CTNNA2: variants seen among roughly 807,000 people sequenced by gnomAD.
CTNNA2 encodes the protein catenin alpha 2.
CTNNA2 carries 42 observed loss-of-function variants against 101.0 expected under a neutral mutation model. That is an observed-to-expected ratio of 0.42 (90% CI 0.32 to 0.54). The LOEUF (loss-of-function observed/expected upper bound fraction) is 0.54, where lower values mean the gene tolerates loss of function less well. CTNNA2 is among the 20% of genes least tolerant of loss of function. The probability of loss-of-function intolerance (pLI) is 0.14; values close to 1 mark genes in which losing one functional copy is unlikely to be tolerated. For missense variants in CTNNA2, 871 were observed against 1,223.1 expected (o/e 0.71, Z 4.29); for synonymous variants, 450 against 456.4 (o/e 0.99, Z 0.18).
intron 7 of CTNNA2, among the ~76,000 whole-genome samples, chr2:80,016,774 T>C (rs1343456821): frequency 6.6e-6 from 1 of 152,172 alleles, no homozygotes; most frequent in African/African-American, 2.4e-5. Context: ...GAGACATTTG[T>C]AGCTAAATTT....
At chr2:79,438,233 G>A (rs1678738371) in intron 4 of CTNNA2, among the ~76,000 whole-genome samples, 1 of 152,152 alleles carries the variant, frequency 6.6e-6, no homozygotes, top group East Asian at 1.9e-4. Flanking sequence ...AGATAAGTGT[G>A]GGGGAGTCCC....
At chr2:80,526,671 GATA>G (rs1406460964) in intron 9 of CTNNA2, among the ~76,000 whole-genome samples, 18 of 152,164 alleles carry the variant, frequency 1.2e-4, no homozygotes, top group Non-Finnish European at 2.5e-4. Flanking sequence ...AAATGGGAAT[GATA>G]ATGACAGTAC....
intron 5 of CTNNA2, among the ~76,000 whole-genome samples, chr2:79,507,621 C>CA (rs1671442203): frequency 6.6e-6 from 1 of 152,024 alleles, no homozygotes; most frequent in Non-Finnish European, 1.5e-5. Context: ...GTTATAGAAG[C>CA]AAAAAACAGA....
intron 7 of CTNNA2, among the ~76,000 whole-genome samples, chr2:80,172,121 C>T (rs554865170): frequency 9.9e-5 from 15 of 152,240 alleles, no homozygotes; most frequent in Admixed American, 2.0e-4. Flanking sequence ...TATGGCTACT[C>T]GGGGACCCCT....
At chr2:80,616,672 T>C (rs2149798503) in intron 17 of CTNNA2, 1 of 138,096 alleles carries the variant, frequency 7.2e-6, no homozygotes, top group East Asian at 2.2e-4. Context: ...ATTTCTGAAA[T>C]ATCATGGGAA....
At chr2:80,177,951 C>G (rs1039936026) in intron 7 of CTNNA2, among the ~76,000 whole-genome samples, 5 of 152,218 alleles carry the variant, frequency 3.3e-5, no homozygotes, top group African/African-American at 9.6e-5. Context: ...TTCTCTTCAC[C>G]ACTGTCCTTC....
intron 7 of CTNNA2, among the ~76,000 whole-genome samples, chr2:80,007,971 G>A (rs1292712596): frequency 2.6e-5 from 4 of 152,168 alleles, no homozygotes; most frequent in African/African-American, 9.7e-5. Context: ...TCATTAACTT[G>A]TAATGTTCAA....
At chr2:79,211,851 T>C (rs1674178269) in intron 2 of CTNNA2, among the ~76,000 whole-genome samples, 1 of 152,076 alleles carries the variant, frequency 6.6e-6, no homozygotes, top group Non-Finnish European at 1.5e-5. Flanking sequence ...GGAGAGATAG[T>C]GGGCGATGTT....
intron 3 of CTNNA2, among the ~76,000 whole-genome samples, chr2:79,759,428 G>C (rs1672629105): frequency 1.3e-5 from 2 of 151,982 alleles, no homozygotes; most frequent in African/African-American, 4.8e-5. Flanking sequence ...TAAAATTGAT[G>C]CTTATGAATG....
At chr2:79,212,259 C>T (rs902378348) in intron 2 of CTNNA2, among the ~76,000 whole-genome samples, 45 of 152,066 alleles carry the variant, frequency 3.0e-4, no homozygotes, top group Middle Eastern at 3.4e-3. Context: ...TAGTTGAGAA[C>T]GGTGAATAGG....
At chr2:79,512,844 C>T (rs1413744628), upstream of CTNNA2, among the ~76,000 whole-genome samples, 1 of 151,414 alleles carries the variant, frequency 6.6e-6, no homozygotes, top group East Asian at 2.0e-4. Flanking sequence ...CCCCTCGATG[C>T]CCGGTGCCTT....
intron 2 of CTNNA2, among the ~76,000 whole-genome samples, chr2:79,263,396 C>G (rs1168989305): frequency 6.6e-6 from 1 of 152,138 alleles, no homozygotes; most frequent in African/African-American, 2.4e-5. Flanking sequence ...CTTGCTCCCT[C>G]TCTGGCCATG....
intron 4 of CTNNA2, chr2:79,498,994 G>A (rs1328499543): frequency 6.6e-6 from 1 of 152,180 alleles, no homozygotes; most frequent in African/African-American, 2.4e-5. Flanking sequence ...AGTGAAGGCT[G>A]GAAGACTAAT....
At chr2:80,085,643 A>G (rs1388383785) in intron 7 of CTNNA2, among the ~76,000 whole-genome samples, 2 of 151,958 alleles carry the variant, frequency 1.3e-5, no homozygotes, top group Non-Finnish European at 2.9e-5. Context: ...TACTAAAGCC[A>G]TTATTTCATC....
At position 79,265,107 on chromosome 2, in the gene CTNNA2, C is replaced by G. The variant is rs150685336; in HGVS notation, c.-405-47602C>G. On this transcript the variant is annotated intron_variant, in intron 2 of 21. Transcript: ENST00000466387. Reference sequence around the variant, plus strand: ...TGTAACAGTATTGAATTTTGAGGAACCATTTTAGGAAAGAATCACAATCAC... The same window carrying G: ...TGTAACAGTATTGAATTTTGAGGAAGCATTTTAGGAAAGAATCACAATCAC... 1.7e-3 allele frequency among the ~76,000 whole-genome samples: 257 copies of G among 152,242 alleles called. 2 individuals carry two copies. Among genetic ancestry groups the G allele is most frequent in the Non-Finnish European group, 3.1e-3 (212 of 68,012 alleles).
At chr2:80,559,711 T>C (rs1464644774) in intron 12 of CTNNA2, among the ~76,000 whole-genome samples, 1 of 152,094 alleles carries the variant, frequency 6.6e-6, no homozygotes, top group Non-Finnish European at 1.5e-5. Flanking sequence ...AATACTTACA[T>C]GGCATATTTG....
intron 7 of CTNNA2, among the ~76,000 whole-genome samples, chr2:79,967,113 C>T (rs903205349): frequency 1.8e-4 from 9 of 49,420 alleles, no homozygotes; most frequent in Admixed American, 5.3e-4. Flanking sequence ...CACACGCGCA[C>T]GCACGTGTGT....
At chr2:80,120,744 G>A (rs748870543) in intron 7 of CTNNA2, among the ~76,000 whole-genome samples, 12 of 152,048 alleles carry the variant, frequency 7.9e-5, no homozygotes, top group Admixed American at 3.3e-4. Context: ...TCAGGGCTCC[G>A]GATCATATTT....
At chr2:79,523,326 A>G (rs1340110686) in intron 1 of CTNNA2, 1 of 386,922 alleles carries the variant, frequency 2.6e-6, no homozygotes, top group African/African-American at 2.1e-5. Context: ...GTAGCTGTGT[A>G]TATACATATA....
Sources: gnomAD v4.1 joint callset for allele counts (sites outside exome capture counted in the v4.1 genomes callset) on GRCh38, gnomAD v4.1.1 for gene constraint, MANE v1.5 for transcripts, NCBI Gene and HGNC (gene_info 2026-07-23, HGNC 2026-07-21) for gene names.